Variants in PRAMEF20 observed in about 807,000 individuals in gnomAD.
PRAMEF20 encodes the protein PRAME family member 20.
A neutral mutation model predicts 32.4 loss-of-function variants in PRAMEF20; 27 were observed. The observed-to-expected ratio is 0.83, with a 90% CI of 0.61 to 1.15. The LOEUF (loss-of-function observed/expected upper bound fraction) is 1.15. PRAMEF20 is among the 50% of genes most tolerant of loss of function. The pLI is 0.00. For synonymous variants in PRAMEF20, 256 were observed against 235.4 expected, an observed-to-expected ratio of 1.09 and a Z score of -0.80; for missense variants, 604 against 584.5, an observed-to-expected ratio of 1.03 and a Z score of -0.34.
chr1:13,420,629 T>C, intron 2 of PRAMEF20, 68 bp from the exon 4 acceptor site: 3 of 1,607,736 alleles, frequency 1.9e-6, no homozygotes, highest in Admixed American at 1.7e-5. Context: ...CACTTTGAAG[T>C]CATTCCCTAC....
Position 13,421,291 on chromosome 1 carries a change from CT to C in PRAMEF20, c.*39del, listed in dbSNP as rs1332417277. On this transcript the variant is annotated 3_prime_UTR_variant, in exon 3 of 3. Transcript: ENST00000602960. ...CCTATTTGGGTGGATATATCAAACT[CT>C]TTTTTCTGAACACTTGAAAACTAAA... 2.2e-5 allele frequency: 35 copies of C among 1,613,490 alleles called. No individual in the cohort carries two copies. In the Admixed American group the frequency reaches 5.3e-4, roughly 25 times the overall value.
exon 3 of PRAMEF20, chr1:13,420,945 C>T: frequency 6.2e-7 from 1 of 1,613,710 alleles, no homozygotes; most frequent in Admixed American, 1.7e-5. Flanking sequence ...ATCCTGCCTG[C>T]CCTGAGCCGC....
At chr1:13,419,443 C>T (rs1641218567) in intron 2 of PRAMEF20, among the ~76,000 whole-genome samples, 1 of 151,998 alleles carries the variant, frequency 6.6e-6, no homozygotes, top group African/African-American at 2.4e-5. Context: ...GCCACCACAC[C>T]CGACCCAAAA....
At chr1:13,415,787 CA>C (rs1395542081), upstream of PRAMEF20, among the ~76,000 whole-genome samples, 2 of 33,814 alleles carry the variant, frequency 5.9e-5, no homozygotes, top group Non-Finnish European at 1.1e-4. Context: ...AAGACCCTGG[CA>C]AAAAAAAGAA....
At chr1:13,420,560 G>A (rs1199244339) in intron 2 of PRAMEF20, 137 bp from the exon 4 acceptor site, 3 of 1,209,710 alleles carry the variant, frequency 2.5e-6, no homozygotes, top group African/African-American at 3.0e-5. Context: ...AGCATCCTAA[G>A]TGTTGACTAT....
At chr1:13,414,659 G>C (rs1040992155), upstream of PRAMEF20, among the ~76,000 whole-genome samples, 2 of 149,708 alleles carry the variant, frequency 1.3e-5, no homozygotes, top group African/African-American at 2.5e-5. Flanking sequence ...GAGACGGGGT[G>C]TCACCATGGT....
In PRAMEF20 at chr1:13,420,906, G is replaced by C. The variant is rs939579673; in HGVS notation, c.1076G>C (p.Cys359Ser). The change falls in exon 3 of 3, where the codon TGT becomes TCT. Residue 359 changes from cysteine to serine, a missense_variant. By Grantham distance (112) the Cys-to-Ser change is moderately radical (BLOSUM62 -1). Coordinates refer to ENST00000602960, the Ensembl canonical transcript of PRAMEF20. ...CTTGAGTACCTGGACTTAGATGACTGTGGCATCGTAGACTCCCAAGTCAAC... is the reference window on the plus strand; with the variant it reads ...CTTGAGTACCTGGACTTAGATGACTCTGGCATCGTAGACTCCCAAGTCAAC... The C allele has an allele frequency of 8.7e-6, 14 of 1,613,698 alleles. No individual in the cohort carries two copies. In the East Asian group the frequency reaches 3.1e-4, roughly 36 times the overall value.
chr1:13,420,930 A>G lies in PRAMEF20; in HGVS notation c.1100A>G (p.Asn367Ser), dbSNP rs1021363964. 316 of 1,613,598 alleles carry G rather than the reference A, an allele frequency of 2.0e-4. 3 individuals carry two copies. The highest frequency in any genetic ancestry group is 3.8e-5 in the Non-Finnish European group (45 of 1,179,846). Residue 367 changes from asparagine to serine, a missense_variant, in exon 3 of 3, where the codon AAC becomes AGC. Asn to Ser is a conservative substitution (Grantham distance 46). Transcript: ENST00000602960. Reference sequence around the variant, plus strand: ...TGTGGCATCGTAGACTCCCAAGTCAACGCCATCCTGCCTGCCCTGAGCCGC... The same window carrying G: ...TGTGGCATCGTAGACTCCCAAGTCAGCGCCATCCTGCCTGCCCTGAGCCGC...
At chr1:13,411,077 C>T in the PRAMEF20 span, among the ~76,000 whole-genome samples, 2 of 151,984 alleles carry the variant, frequency 1.3e-5, no homozygotes, top group African/African-American at 2.4e-5. Flanking sequence ...AGGCTGGTCT[C>T]GAACTCCTGA....
upstream of PRAMEF20, among the ~76,000 whole-genome samples, chr1:13,411,921 G>C (rs1641117855): frequency 6.6e-6 from 1 of 152,168 alleles, no homozygotes; most frequent in South Asian, 2.1e-4. Flanking sequence ...GCCCACCCAT[G>C]ACAAGATTAT....
chr1:13,412,791 G>A (rs987152736), upstream of PRAMEF20, among the ~76,000 whole-genome samples: 1 of 152,090 alleles, frequency 6.6e-6, no homozygotes, highest in Non-Finnish European at 1.5e-5. Context: ...GGGTGCGGGG[G>A]TGCATGCCTG....
At chr1:13,421,177 G>C (rs1641239971) in exon 3 of PRAMEF20, 19 of 1,613,924 alleles carry the variant, frequency 1.2e-5, no homozygotes, top group Non-Finnish European at 1.6e-5. Context: ...AGCCCGAGAG[G>C]ATCTTGTTCT....
chr1:13,416,693 G>A (rs1310416135), intron 1 of PRAMEF20, 52 bp downstream of exon 2: 1 of 1,613,258 alleles, frequency 6.2e-7, no homozygotes, highest in Admixed American at 1.7e-5. Flanking sequence ...CCAACAGAAG[G>A]AACAGCTGGG....
At chr1:13,417,910 T>TATGTGTGTGTG (rs1369049111) in intron 1 of PRAMEF20, among the ~76,000 whole-genome samples, 2 of 124,218 alleles carry the variant, frequency 1.6e-5, no homozygotes, top group Non-Finnish European at 3.4e-5. Context: ...CCCGGCTAAT[T>TATGTGTGTGTG]TGTGTGTGTG....
At chr1:13,416,675 C>G in intron 1 of PRAMEF20, 34 bp downstream of exon 2, 1 of 1,613,608 alleles carries the variant, frequency 6.2e-7, no homozygotes, top group South Asian at 1.1e-5. Flanking sequence ...TGGGGAGGGC[C>G]CAGGTGTCCA....
rs957812098 is a variant in PRAMEF20, at chr1:13,417,979, C to T, written c.288-143C>T. On this transcript the variant is annotated intron_variant, in intron 1 of 2. Coordinates refer to ENST00000602960, the Ensembl canonical transcript of PRAMEF20. Reference sequence around the variant, plus strand: ...TTAGTAGAGACGGGGTTTCACCATGCTAGCCAGGATGTTCTCGATCTCCTG... The same window carrying T: ...TTAGTAGAGACGGGGTTTCACCATGTTAGCCAGGATGTTCTCGATCTCCTG... 3.6e-3 allele frequency: 4,181 copies of T among 1,156,858 alleles called. 45 individuals are homozygous for T. The highest frequency in any genetic ancestry group is 4.6e-3 in the African/African-American group (297 of 64,004). The allele number at this position is 1,156,858 out of a possible 1,614,324, so 71.7% of individuals were successfully genotyped here.
chr1:13,419,670 C>T lies in PRAMEF20; in HGVS notation c.866+970C>T, dbSNP rs1244256914. Among the ~76,000 whole-genome samples the T allele has an allele frequency of 3.9e-5, 6 of 152,026 alleles. No individual in the cohort carries two copies. The South Asian group carries it at 1.0e-3, about 26-fold the overall frequency. On this transcript the variant is annotated intron_variant, in intron 2 of 2. Coordinates refer to ENST00000602960, the Ensembl canonical transcript of PRAMEF20. ...CGATCTCCTGACCTTGTGATCCGCC[C>T]GCCTCGGCCTCCCAAAATGCTGGGA... is the stretch of plus-strand genomic sequence containing the variant.
At chr1:13,421,238 G>C in exon 3 of PRAMEF20, 1 of 1,613,910 alleles carries the variant, frequency 6.2e-7, no homozygotes, top group Non-Finnish European at 8.5e-7. Flanking sequence ...CGACCTGGAG[G>C]TAGATCGGTG....
upstream of PRAMEF20, among the ~76,000 whole-genome samples, chr1:13,413,410 G>A (rs1219558672): frequency 2.0e-5 from 3 of 152,168 alleles, no homozygotes; most frequent in African/African-American, 7.2e-5. Flanking sequence ...TATTTCTCAG[G>A]CTGGAGTGCA....
Sources: allele counts gnomAD v4.1 joint callset (sites outside exome capture counted in the v4.1 genomes callset), GRCh38; gene constraint gnomAD v4.1.1; transcripts MANE v1.5; gene names NCBI Gene and HGNC (gene_info 2026-07-23, HGNC 2026-07-21).